PTPRZ1: variants seen among roughly 807,000 people sequenced by gnomAD.
PTPRZ1 encodes receptor-type tyrosine-protein phosphatase zeta.
Under a neutral mutation model 214.1 loss-of-function variants are expected in PTPRZ1, and 82 were observed. The observed-to-expected ratio is 0.38, with a 90% confidence interval of 0.32 to 0.46. PTPRZ1 has a LOEUF of 0.46. Among genes scored for constraint, PTPRZ1 ranks in the 20% least tolerant of loss-of-function variants. The pLI, the probability that PTPRZ1 is intolerant of heterozygous loss-of-function variation, is 1.00. For synonymous variants in PTPRZ1, 945 were observed against 987.9 expected (o/e 0.96, Z 0.81); for missense variants, 2,603 against 2,748.7 (o/e 0.95, Z 1.19).
intron 13 of PTPRZ1, among the ~76,000 whole-genome samples, chr7:122,020,500 G>C (rs757082890): frequency 6.6e-6 from 1 of 152,138 alleles, no homozygotes; most frequent in African/African-American, 2.4e-5. Context: ...TTCCAGGCAG[G>C]GACACAGCAG....
chr7:121,983,582 A>G (rs1179988458), intron 6 of PTPRZ1, 83 bp from the exon 7 acceptor site: 3 of 1,241,740 alleles, frequency 2.4e-6, no homozygotes, highest in South Asian at 3.1e-5. Flanking sequence ...ATAACAAAGC[A>G]TGTGTCTCTG....
At chr7:121,888,495 G>A (rs1004594516) in intron 1 of PTPRZ1, among the ~76,000 whole-genome samples, 1 of 152,060 alleles carries the variant, frequency 6.6e-6, no homozygotes, top group African/African-American at 2.4e-5. Flanking sequence ...TAACTGCCCA[G>A]TTCTGTGAAA....
At chr7:121,980,780 T>C (rs1797581865) in intron 6 of PTPRZ1, among the ~76,000 whole-genome samples, 1 of 152,212 alleles carries the variant, frequency 6.6e-6, no homozygotes, top group Non-Finnish European at 1.5e-5. Context: ...TTCATAGAGT[T>C]TACAGCTGGA....
At chr7:121,898,990 A>G (rs1462225160) in intron 1 of PTPRZ1, among the ~76,000 whole-genome samples, 1 of 152,208 alleles carries the variant, frequency 6.6e-6, no homozygotes, top group Non-Finnish European at 1.5e-5. Flanking sequence ...ATTCATATAT[A>G]AAGCCTGATA....
intron 1 of PTPRZ1, among the ~76,000 whole-genome samples, chr7:121,892,011 GT>G (rs1380548993): frequency 6.6e-6 from 1 of 151,932 alleles, no homozygotes; most frequent in African/African-American, 2.4e-5. Context: ...ATGTTCTTAA[GT>G]TTTTTTGTTT....
At chr7:122,058,138 T>C (rs982288666) in intron 27 of PTPRZ1, among the ~76,000 whole-genome samples, 1 of 152,170 alleles carries the variant, frequency 6.6e-6, no homozygotes, top group Non-Finnish European at 1.5e-5. Flanking sequence ...ATTGTTTTTC[T>C]TATTTACCAG....
At chr7:121,998,609 G>GA (rs1260375795) in intron 10 of PTPRZ1, among the ~76,000 whole-genome samples, 1 of 152,058 alleles carries the variant, frequency 6.6e-6, no homozygotes, top group Non-Finnish European at 1.5e-5. Context: ...AAATGTATGG[G>GA]AAAATCTTTT....
intron 13 of PTPRZ1, among the ~76,000 whole-genome samples, chr7:122,026,060 C>T (rs190607808): frequency 3.1e-4 from 47 of 152,142 alleles, no homozygotes; most frequent in African/African-American, 9.9e-4. Flanking sequence ...GATATGAACC[C>T]GTTAGAGCTG....
At position 122,036,664 on chromosome 7, in the gene PTPRZ1, C is replaced by T. The variant is rs923956277; in HGVS notation, c.5349C>T (p.Ile1783=). 1.2e-6 allele frequency: 2 copies of T among 1,603,790 alleles called. No individual in the cohort carries two copies. Among genetic ancestry groups the T allele is most frequent in the Admixed American group, 3.3e-5 (2 of 59,984 alleles). Residue 1783 remains isoleucine, a synonymous_variant, in exon 18 of 30, where the codon ATC becomes ATT. Coordinates refer to ENST00000393386, the MANE Select transcript of PTPRZ1 (RefSeq NM_002851.3). ...AEKDGKLTDY[I]NANYVDGYNR... is the part of the protein sequence containing the mutation. ...AGGATGGCAAACTGACTGATTATAT[C>T]AATGCCAATTATGTTGATGTAAGCA... is the stretch of plus-strand genomic sequence containing the variant.
intron 23 of PTPRZ1, among the ~76,000 whole-genome samples, chr7:122,048,627 G>A (rs1020666657): frequency 4.0e-5 from 6 of 151,772 alleles, no homozygotes; most frequent in African/African-American, 1.5e-4. Context: ...CACCTTTTAT[G>A]TACCCAAAGA....
intron 10 of PTPRZ1, among the ~76,000 whole-genome samples, chr7:122,000,149 A>C (rs1050207612): frequency 6.6e-6 from 1 of 152,176 alleles, no homozygotes. Flanking sequence ...CCTGCATCAA[A>C]AACCTGTTCC....
At chr7:121,992,325 C>A (rs763081588) in intron 8 of PTPRZ1, among the ~76,000 whole-genome samples, 10 of 152,182 alleles carry the variant, frequency 6.6e-5, no homozygotes, top group Non-Finnish European at 1.5e-4. Flanking sequence ...TCTTGATTAA[C>A]AAAGATTTGT....
chr7:121,874,184 A>G (rs899946472), intron 1 of PTPRZ1, among the ~76,000 whole-genome samples: 1 of 152,092 alleles, frequency 6.6e-6, no homozygotes, highest in Non-Finnish European at 1.5e-5. Context: ...TTCCATCTAA[A>G]TCTCTAGGTT....
chr7:121,953,740 A>G (rs910298587), intron 2 of PTPRZ1, among the ~76,000 whole-genome samples: 9 of 152,348 alleles, frequency 5.9e-5, no homozygotes, highest in Admixed American at 2.0e-4. Context: ...ATTGGTTGTC[A>G]GTGCCATTGA....
Position 122,028,640 on chromosome 7 carries a change from T to C in PTPRZ1, c.5077T>C (p.Ser1693Pro), listed in dbSNP as rs747137861. ...STPPTPIFPI[S>P]DDVGAIPIKH... ...ACCTCCAACACCTATCTTTCCAATT[T>C]CAGGTAATGGCTTAAAGTGTGACCA... The change falls in exon 14 of 30, where the codon TCA becomes CCA. Residue 1693 changes from serine (S) to proline (P), a missense_variant. By Grantham distance (74) the Ser-to-Pro change is moderately conservative. This residue lies in a region of PTPRZ1 where 1,913 missense variants were observed against 1,914.3 expected (regional missense o/e 1.00). Transcript: ENST00000393386. 3.3e-6 allele frequency: 5 copies of C among 1,525,582 alleles called. No homozygotes were observed. Among genetic ancestry groups the C allele is most frequent in the Non-Finnish European group, 3.6e-6 (4 of 1,099,968 alleles). 94.5% of individuals were successfully genotyped at this position (1,525,582 alleles called of 1,614,324 possible).
At chr7:121,990,343 T>C (rs1254699545) in intron 8 of PTPRZ1, among the ~76,000 whole-genome samples, 1 of 152,108 alleles carries the variant, frequency 6.6e-6, no homozygotes, top group Non-Finnish European at 1.5e-5. Flanking sequence ...AGGCGCTCAA[T>C]AGATTATTTG....
intron 1 of PTPRZ1, among the ~76,000 whole-genome samples, chr7:121,876,053 A>G (rs993541382): frequency 1.3e-5 from 2 of 152,248 alleles, no homozygotes; most frequent in African/African-American, 2.4e-5. Context: ...TCACTAAGAT[A>G]TTGATTATTG....
intron 8 of PTPRZ1, among the ~76,000 whole-genome samples, chr7:121,993,350 G>A (rs1798029487): frequency 6.6e-6 from 1 of 151,500 alleles, no homozygotes; most frequent in Admixed American, 6.6e-5. Flanking sequence ...AGGAGATCGA[G>A]ACCATCCTGG....
At chr7:121,878,188 G>T (rs1794119882) in intron 1 of PTPRZ1, among the ~76,000 whole-genome samples, 1 of 152,030 alleles carries the variant, frequency 6.6e-6, no homozygotes, top group Non-Finnish European at 1.5e-5. Context: ...TAGCCACTAG[G>T]CAGATGTAGC....
Sources: allele counts gnomAD v4.1 joint callset (sites outside exome capture counted in the v4.1 genomes callset), GRCh38; gene constraint gnomAD v4.1.1; regional missense constraint gnomAD v4.1.1; transcripts MANE v1.5; gene names NCBI Gene and HGNC (gene_info 2026-07-23, HGNC 2026-07-21).